The following PPFIA2 variants were observed in gnomAD, a reference collection of about 807,000 sequenced individuals.
The protein encoded by PPFIA2 is PPFI scaffold protein A2.
In PPFIA2, 46 loss-of-function variants were observed where a neutral mutation model predicts 175.5. The ratio of observed to expected loss-of-function variants is 0.26; its 90% CI spans 0.21 to 0.34. The LOEUF (loss-of-function observed/expected upper bound fraction) is 0.34, where lower values mean the gene tolerates loss of function less well. Ranked by LOEUF, PPFIA2 falls within the 10% of genes least tolerant of loss-of-function variation. The pLI, the probability that PPFIA2 is intolerant of heterozygous loss-of-function variation, is 1.00. For missense variants in PPFIA2, 1,179 were observed against 1,506.1 expected, an observed-to-expected ratio of 0.78 and a Z score of 3.60; for synonymous variants, 568 against 511.4, an observed-to-expected ratio of 1.11 and a Z score of -1.49.
intron 8 of PPFIA2, among the ~76,000 whole-genome samples, chr12:81,393,404 G>T (rs1044888377): frequency 4.6e-5 from 7 of 152,010 alleles, no homozygotes; most frequent in Admixed American, 6.6e-5. Context: ...CACTAGAGTG[G>T]ATCTTTCTTC....
At chr12:81,461,991 G>A (rs2054614183) in intron 4 of PPFIA2, among the ~76,000 whole-genome samples, 1 of 151,424 alleles carries the variant, frequency 6.6e-6, no homozygotes, top group South Asian at 2.1e-4. Context: ...CATAGTTCCT[G>A]GAAAATTAAG....
intron 3 of PPFIA2, among the ~76,000 whole-genome samples, chr12:81,686,848 CA>C (rs1231267353): frequency 6.6e-6 from 1 of 152,012 alleles, no homozygotes; most frequent in Non-Finnish European, 1.5e-5. Context: ...CAGCTTAGTT[CA>C]AAACCTCATT....
At chr12:81,574,452 A>G (rs182156626) in intron 4 of PPFIA2, among the ~76,000 whole-genome samples, 16 of 151,958 alleles carry the variant, frequency 1.1e-4, no homozygotes, top group African/African-American at 3.1e-4. Context: ...AAAATCCCAT[A>G]AAATAGAAAA....
intron 4 of PPFIA2, among the ~76,000 whole-genome samples, chr12:81,613,387 C>A (rs879300632): frequency 6.6e-6 from 1 of 152,122 alleles, no homozygotes; most frequent in Non-Finnish European, 1.5e-5. Context: ...CTTGCACACG[C>A]CCTCCATGCT....
At chr12:81,534,386 T>A (rs570717635) in intron 4 of PPFIA2, among the ~76,000 whole-genome samples, 1 of 151,652 alleles carries the variant, frequency 6.6e-6, no homozygotes, top group Non-Finnish European at 1.5e-5. Context: ...GTGATGGATA[T>A]CCTAAATGCC....
chr12:81,468,644 C>CA (rs1280678185), intron 4 of PPFIA2, among the ~76,000 whole-genome samples: 1 of 152,108 alleles, frequency 6.6e-6, no homozygotes, highest in Non-Finnish European at 1.5e-5. Flanking sequence ...CAAAACAAAA[C>CA]AAAATCACAT....
chr12:81,447,257 G>A (rs572050942), intron 5 of PPFIA2, among the ~76,000 whole-genome samples: 2 of 152,094 alleles, frequency 1.3e-5, no homozygotes, highest in African/African-American at 4.8e-5. Flanking sequence ...AAATTCTTTA[G>A]ATACATGTAT....
chr12:81,704,792 C>T (rs1421223807), intron 3 of PPFIA2, among the ~76,000 whole-genome samples: 1 of 151,574 alleles, frequency 6.6e-6, no homozygotes, highest in African/African-American at 2.4e-5. Flanking sequence ...TATTAAGAAC[C>T]TATCTTGTGG....
intron 3 of PPFIA2, among the ~76,000 whole-genome samples, chr12:81,698,478 C>T (rs776294555): frequency 6.6e-6 from 1 of 152,030 alleles, no homozygotes; most frequent in Non-Finnish European, 1.5e-5. Flanking sequence ...GCCTCCAGAA[C>T]TGTAAAAAAT....
At chr12:81,622,578 C>T (rs1386925998) in intron 4 of PPFIA2, among the ~76,000 whole-genome samples, 1 of 152,050 alleles carries the variant, frequency 6.6e-6, no homozygotes, top group African/African-American at 2.4e-5. Context: ...TGGAGCTATC[C>T]TTGAAGCATC....
At chr12:81,556,928 C>A (rs997129786) in intron 4 of PPFIA2, among the ~76,000 whole-genome samples, 25 of 151,730 alleles carry the variant, frequency 1.6e-4, no homozygotes, top group African/African-American at 5.8e-4. Context: ...ATTTTTATTT[C>A]AATAAAAATT....
chr12:81,689,972 C>T (rs17689814), intron 3 of PPFIA2, among the ~76,000 whole-genome samples: 5,986 of 152,152 alleles, frequency 0.039, 148 homozygotes, highest in Middle Eastern at 0.068. Context: ...TGGCACAGTA[C>T]AGTGTTAACT....
intron 22 of PPFIA2, among the ~76,000 whole-genome samples, chr12:81,307,932 T>G (rs1032887772): frequency 6.7e-6 from 1 of 149,402 alleles, no homozygotes; most frequent in African/African-American, 2.5e-5. Context: ...TCATAACAAC[T>G]TTAACTTATC....
At chr12:81,299,484 A>AT (rs1016582680) in intron 22 of PPFIA2, 102 bp from the exon 23 acceptor site, 4 of 1,407,714 alleles carry the variant, frequency 2.8e-6, no homozygotes, top group Middle Eastern at 4.0e-4. Context: ...CCTTTACAAG[A>AT]TTTTTTATGA....
intron 19 of PPFIA2, among the ~76,000 whole-genome samples, chr12:81,344,447 A>G (rs139789108): frequency 6.6e-6 from 1 of 151,290 alleles, no homozygotes; most frequent in Non-Finnish European, 1.5e-5. Context: ...ACAGGATATT[A>G]TGGTTCTTAT....
At chr12:81,448,034 C>G (rs2051656684) in intron 5 of PPFIA2, among the ~76,000 whole-genome samples, 1 of 151,936 alleles carries the variant, frequency 6.6e-6, no homozygotes, top group East Asian at 1.9e-4. Context: ...TTAGAGTCAT[C>G]TTGCATAATA....
intron 7 of PPFIA2, among the ~76,000 whole-genome samples, chr12:81,408,167 A>G (rs923940901): frequency 6.6e-6 from 1 of 152,210 alleles, no homozygotes; most frequent in Non-Finnish European, 1.5e-5. Context: ...CAACATGGAA[A>G]TAGATTACAT....
intron 21 of PPFIA2, among the ~76,000 whole-genome samples, chr12:81,338,604 C>CAAA (rs72511331): frequency 2.7e-5 from 4 of 150,706 alleles, no homozygotes; most frequent in South Asian, 2.1e-4. Flanking sequence ...TAGTTTTAAG[C>CAAA]AAAAAAAAAT....
intron 29 of PPFIA2, chr12:81,267,366 G>A (rs1259163941): frequency 5.6e-5 from 21 of 375,978 alleles, no homozygotes; most frequent in South Asian, 4.1e-4. Context: ...AATTTTTATT[G>A]AATCTATGTA....
Sources: gnomAD v4.1 joint callset for allele counts (sites outside exome capture counted in the v4.1 genomes callset) on GRCh38, gnomAD v4.1.1 for gene constraint, MANE v1.5 for transcripts, NCBI Gene and HGNC (gene_info 2026-07-23, HGNC 2026-07-21) for gene names.